The following TOPAZ1 variants were observed in gnomAD, a reference collection of about 807,000 sequenced individuals.
TOPAZ1 encodes testis and ovary specific TOPAZ 1, also known as protein TOPAZ1.
Under a neutral mutation model 172.2 loss-of-function variants are expected in TOPAZ1, and 66 were observed. The ratio of observed to expected loss-of-function variants is 0.38; its 90% CI spans 0.31 to 0.47. The LOEUF (loss-of-function observed/expected upper bound fraction) is 0.47, where lower values mean the gene tolerates loss of function less well. TOPAZ1 is among the 20% of genes least tolerant of loss of function. TOPAZ1 has a pLI of 0.99. For synonymous variants in TOPAZ1, 681 were observed against 683.9 expected (o/e 1.00, Z 0.07); for missense variants, 1,822 against 1,972.4 (o/e 0.92, Z 1.44).
chr3:44,321,810 T>A (rs1218778246), intron 17 of TOPAZ1, among the ~76,000 whole-genome samples: 1 of 152,218 alleles, frequency 6.6e-6, no homozygotes, highest in African/African-American at 2.4e-5. Context: ...AGCATTCTTA[T>A]CTGTTTCTCC....
At chr3:44,302,970 G>A (rs952279000) in intron 12 of TOPAZ1, among the ~76,000 whole-genome samples, 3 of 152,086 alleles carry the variant, frequency 2.0e-5, no homozygotes, top group Admixed American at 6.5e-5. Context: ...AGTCTCCCAC[G>A]TAGCTGGTAC....
At chr3:44,270,374 T>C (rs1167041893) in intron 7 of TOPAZ1, among the ~76,000 whole-genome samples, 1 of 152,178 alleles carries the variant, frequency 6.6e-6, no homozygotes, top group African/African-American at 2.4e-5. Flanking sequence ...CCTTAGTTTT[T>C]CTGTGAACCT....
In TOPAZ1 at chr3:44,323,153, A is replaced by C. The variant is rs1432555023; in HGVS notation, c.4533A>C (p.Glu1511Asp). ...LFNKLLGSCIESSSLGMSSSV... is the reference protein window; with the variant it reads ...LFNKLLGSCIDSSSLGMSSSV... ...ATAAGCTTCTAGGTTCCTGTATAGAAAGCAGTAGTCTTGGTATGTCATCCT... is the reference window on the plus strand; with the variant it reads ...ATAAGCTTCTAGGTTCCTGTATAGACAGCAGTAGTCTTGGTATGTCATCCT... Residue 1511 changes from glutamate to aspartate, a missense_variant, in exon 18 of 20, where the codon GAA becomes GAC. Glu to Asp is a conservative substitution (Grantham distance 45, BLOSUM62 2). This residue lies in a region of TOPAZ1 where 333 missense variants were observed against 481.7 expected (regional missense o/e 0.69). Transcript: ENST00000309765. 1 of 1,550,096 alleles carries C rather than the reference A, an allele frequency of 6.5e-7. No homozygotes were observed. The highest frequency in any genetic ancestry group is 8.7e-7 in the Non-Finnish European group (1 of 1,145,890).
At chr3:44,297,511 G>A (rs767914429) in intron 12 of TOPAZ1, among the ~76,000 whole-genome samples, 7 of 152,180 alleles carry the variant, frequency 4.6e-5, no homozygotes, top group Non-Finnish European at 1.0e-4. Flanking sequence ...AACAGTATCT[G>A]TAAGAAACCT....
rs1488320126 is a variant in TOPAZ1 at position 44,242,064 on chromosome 3, C to G, written c.11C>G (p.Pro4Arg). The stretch of plus-strand genomic sequence containing the variant: ...CCGGCCCCGGGGCACATGCGACGAC[C>G]TCCACCCCTGGGCCCCACGACGGCC... MRR[P>R]PPLGPTTASG... Residue 4 changes from proline (P) to arginine (R), a missense_variant, in exon 1 of 20, where the codon CCT (proline) becomes CGT (arginine). Physicochemically the swap from Pro to Arg is moderately radical, Grantham distance 103. Around this residue, in one of 2 missense-constraint regions of TOPAZ1, gnomAD observed 1,489 missense variants for 1,490.8 expected, o/e 1.00. Coordinates refer to ENST00000309765, the MANE Select transcript of TOPAZ1 (RefSeq NM_001145030.2). The G allele has an allele frequency of 3.2e-5, 49 of 1,545,008 alleles. No individual in the cohort carries two copies. The highest frequency in any genetic ancestry group is 4.3e-5 in the Non-Finnish European group (49 of 1,146,264).
At chr3:44,310,112 C>T in intron 16 of TOPAZ1, 122 bp downstream of exon 16, 1 of 831,976 alleles carries the variant, frequency 1.2e-6, no homozygotes. Context: ...CCCTAGTGAA[C>T]ATGTGGGTAG....
In TOPAZ1 at chr3:44,245,081, G is replaced by A. The variant is rs1319866368; in HGVS notation, c.2575G>A (p.Asp859Asn). Residue 859 changes from aspartate to asparagine, a missense_variant, in exon 2 of 20, where the codon GAT becomes AAT. By Grantham distance (23) the Asp-to-Asn change is conservative. Transcript: ENST00000309765. ...GFPDILKAYE[D>N]DVLLIDVIQD... ...TCCAGATATTCTTAAAGCATATGAA[G>A]ATGACGTCCTCTTAATTGATGTAAT... 6.4e-7 allele frequency: 1 copy of A among 1,551,774 alleles called. No individual in the cohort carries two copies. Among genetic ancestry groups the A allele is most frequent in the Admixed American group, 2.0e-5 (1 of 50,988 alleles).
chr3:44,267,425 G>A (rs1374979866), intron 6 of TOPAZ1, among the ~76,000 whole-genome samples: 1 of 151,580 alleles, frequency 6.6e-6, no homozygotes. Context: ...CTCCTGAGTG[G>A]CTGGGATTAC....
rs1700561532 is a variant in TOPAZ1 at position 44,323,273 on chromosome 3, C to G, written c.4653C>G (p.Leu1551=). 6.5e-7 allele frequency: 1 copy of G among 1,547,844 alleles called. No homozygotes were observed. Among genetic ancestry groups the G allele is most frequent in the Non-Finnish European group, 8.7e-7 (1 of 1,144,930 alleles). The change falls in exon 18 of 20, where the codon CTC becomes CTG. Residue 1551 remains leucine, a synonymous_variant. Transcript: ENST00000309765. ...CTTTAGGAAGGAGTCGTTTATGGCTCAAAGCCAGAGCCCACTACAAAAGTA... is the reference window on the plus strand; with the variant it reads ...CTTTAGGAAGGAGTCGTTTATGGCTGAAAGCCAGAGCCCACTACAAAAGTA... ...ITSLGRSRLW[L]KARAHYKSAL... is the part of the protein sequence containing the mutation.
chr3:44,273,706 A>G (rs1699922384), intron 8 of TOPAZ1, among the ~76,000 whole-genome samples: 1 of 152,206 alleles, frequency 6.6e-6, no homozygotes, highest in South Asian at 2.1e-4. Flanking sequence ...AGAAAAGACT[A>G]TGCACTAAGA....
chr3:44,312,528 C>A (rs6441832), intron 16 of TOPAZ1, among the ~76,000 whole-genome samples: 1 of 152,080 alleles, frequency 6.6e-6, no homozygotes, highest in Admixed American at 6.5e-5. Context: ...TTGAGAAATG[C>A]GGAATATCTC....
intron 6 of TOPAZ1, among the ~76,000 whole-genome samples, chr3:44,268,074 G>A (rs1699851251): frequency 6.6e-6 from 1 of 152,010 alleles, no homozygotes; most frequent in South Asian, 2.1e-4. Context: ...CTTTAGAAAA[G>A]AACATTTTTA....
chr3:44,294,003 G>A (rs1700168007), intron 12 of TOPAZ1, among the ~76,000 whole-genome samples: 1 of 152,214 alleles, frequency 6.6e-6, no homozygotes, highest in African/African-American at 2.4e-5. Context: ...TACTTTGGGA[G>A]GCTGAGGCAG....
chr3:44,273,527 G>C (rs534522162), intron 8 of TOPAZ1, among the ~76,000 whole-genome samples: 1 of 152,010 alleles, frequency 6.6e-6, no homozygotes, highest in Non-Finnish European at 1.5e-5. Flanking sequence ...TCTCCCTTCC[G>C]TATACAAAAT....
At chr3:44,313,711 T>G (rs973123095) in intron 16 of TOPAZ1, among the ~76,000 whole-genome samples, 9 of 152,096 alleles carry the variant, frequency 5.9e-5, no homozygotes, top group African/African-American at 2.2e-4. Context: ...TCCTTTTAGG[T>G]ATCACAGGTG....
intron 16 of TOPAZ1, among the ~76,000 whole-genome samples, 174 bp from the exon 17 acceptor site, chr3:44,320,853 A>C (rs1002976165): frequency 2.0e-5 from 3 of 152,210 alleles, no homozygotes; most frequent in Non-Finnish European, 2.9e-5. Flanking sequence ...TCAGATGATG[A>C]TCATCACTAT....
chr3:44,242,274 C>T lies in TOPAZ1; in HGVS notation c.221C>T (p.Ala74Val). The T allele has an allele frequency of 6.5e-7, 1 of 1,550,290 alleles. No individual in the cohort carries two copies. The highest frequency in any genetic ancestry group is 8.7e-7 in the Non-Finnish European group (1 of 1,146,664). Residue 74 changes from alanine (A) to valine (V), a missense_variant, in exon 1 of 20, where the codon GCT becomes GTT. Coordinates refer to ENST00000309765, the MANE Select transcript of TOPAZ1 (RefSeq NM_001145030.2). The part of the protein sequence containing the change: ...ESDKSVAASG[A>V]GKAARRQVEG... ...GATAAGTCGGTTGCAGCATCAGGGG[C>T]TGGAAAGGCCGCAAGGCGTCAGGTG... is the stretch of plus-strand genomic sequence containing the variant.
intron 16 of TOPAZ1, among the ~76,000 whole-genome samples, chr3:44,312,488 A>G (rs1700407709): frequency 6.6e-6 from 1 of 152,172 alleles, no homozygotes; most frequent in African/African-American, 2.4e-5. Flanking sequence ...CTGAATTTGC[A>G]AAAGATGGAG....
chr3:44,279,704 A>G (rs1700001410), intron 8 of TOPAZ1, among the ~76,000 whole-genome samples: 1 of 152,056 alleles, frequency 6.6e-6, no homozygotes, highest in Non-Finnish European at 1.5e-5. Context: ...ATGTGTCTTT[A>G]CAGGTGAGAT....
Sources: allele counts gnomAD v4.1 joint callset (sites outside exome capture counted in the v4.1 genomes callset), GRCh38; gene constraint gnomAD v4.1.1; regional missense constraint gnomAD v4.1.1; transcripts MANE v1.5; gene names NCBI Gene and HGNC (gene_info 2026-07-23, HGNC 2026-07-21).